Variants in ZNF883 observed in about 807,000 individuals in gnomAD.
The protein encoded by ZNF883 is zinc finger protein 883.
downstream of ZNF883, among the ~76,000 whole-genome samples, chr9:112,996,790 C>CAAAAAAAAAAA (rs61714600): frequency 1.9e-5 from 1 of 52,092 alleles, no homozygotes; most frequent in Non-Finnish European, 3.6e-5. Context: ...GACTCCGTCT[C>CAAAAAAAAAAA]AAAAAAAAAA....
At chr9:113,002,309 A>G (rs1016206211), upstream of ZNF883, among the ~76,000 whole-genome samples, 18 of 152,228 alleles carry the variant, frequency 1.2e-4, no homozygotes, top group Admixed American at 1.1e-3. Flanking sequence ...TAAAACAATA[A>G]TGGTGATTTA....
chr9:112,995,446 CTCTT>C (rs1828341526), downstream of ZNF883, among the ~76,000 whole-genome samples: 1 of 151,502 alleles, frequency 6.6e-6, no homozygotes, highest in Non-Finnish European at 1.5e-5. Context: ...CTTCCTTTCT[CTCTT>C]CCTTCCTTCT....
chr9:112,993,802 G>A (rs1828324204), downstream of ZNF883, among the ~76,000 whole-genome samples: 1 of 152,216 alleles, frequency 6.6e-6, no homozygotes. Context: ...GATTGATCAG[G>A]GCCTGGCCTA....
At chr9:112,991,855 G>T (rs1413045530) in intron 1 of ZNF883, among the ~76,000 whole-genome samples, 1 of 151,994 alleles carries the variant, frequency 6.6e-6, no homozygotes, top group South Asian at 2.1e-4. Context: ...TGTGTTTTTT[G>T]ATCTTTGTTG....
intron 1 of ZNF883, among the ~76,000 whole-genome samples, chr9:112,988,862 G>T (rs996890782): frequency 1.3e-5 from 2 of 150,250 alleles, no homozygotes; most frequent in Non-Finnish European, 2.9e-5. Flanking sequence ...TCGTGGTTTT[G>T]ATTTGCATTT....
chr9:113,008,935 T>G (rs1828504384), intron 2 of ZNF883, among the ~76,000 whole-genome samples: 1 of 151,946 alleles, frequency 6.6e-6, no homozygotes. Flanking sequence ...ATAGGAAGCA[T>G]GAGAGTGGAG....
exon 1 of ZNF883, chr9:112,997,952 T>C (rs375583758): frequency 1.7e-5 from 28 of 1,613,824 alleles, no homozygotes; most frequent in African/African-American, 1.5e-4. Context: ...AAAGGTTTTT[T>C]CACATTCATT....
chr9:112,988,791 ATC>A (rs1348010608), intron 1 of ZNF883, among the ~76,000 whole-genome samples: 18 of 152,088 alleles, frequency 1.2e-4, no homozygotes, highest in African/African-American at 3.1e-4. Context: ...AACTGTTCCT[ATC>A]TCTCCACAGC....
upstream of ZNF883, chr9:112,998,670 G>GATACGGCGACCA: frequency 6.5e-6 from 1 of 154,096 alleles, no homozygotes; most frequent in South Asian, 2.0e-4. Flanking sequence ...TCATTTCTTT[G>GATACGGCGACCA]TCTGGTGTAT....
intron 2 of ZNF883, among the ~76,000 whole-genome samples, chr9:113,004,740 C>G (rs573419719): frequency 6.6e-6 from 1 of 151,240 alleles, no homozygotes; most frequent in African/African-American, 2.4e-5. Flanking sequence ...CCCAAACTAT[C>G]TAAAACACCT....
At chr9:113,008,102 GATT>G (rs1425559229) in intron 2 of ZNF883, among the ~76,000 whole-genome samples, 1 of 152,158 alleles carries the variant, frequency 6.6e-6, no homozygotes, top group East Asian at 1.9e-4. Context: ...AAATTTTAAT[GATT>G]ATCATAAGAA....
chr9:113,010,984 CAAAAAAAAA>C (rs35069505), intron 2 of ZNF883, among the ~76,000 whole-genome samples, 148 bp downstream of exon 2: 2,064 of 118,022 alleles, frequency 0.017, 22 homozygotes, highest in Middle Eastern at 0.045. Context: ...GACCTTGTCT[CAAAAAAAAA>C]AAAAAAAAAA....
downstream of ZNF883, among the ~76,000 whole-genome samples, chr9:112,994,292 T>C (rs544095572): frequency 6.6e-6 from 1 of 151,976 alleles, no homozygotes; most frequent in Admixed American, 6.5e-5. Flanking sequence ...ACCACCCTGC[T>C]TTTCCTCACT....
At chr9:112,998,358 G>A, upstream of ZNF883, 1 of 1,030,282 alleles carries the variant, frequency 9.7e-7, no homozygotes, top group South Asian at 2.8e-5. Context: ...AGTAAAGTTT[G>A]AGATACAAAT....
At chr9:113,003,440 A>T (rs1828445302) in intron 2 of ZNF883, among the ~76,000 whole-genome samples, 1 of 152,016 alleles carries the variant, frequency 6.6e-6, no homozygotes, top group Non-Finnish European at 1.5e-5. Context: ...GGACTAATAC[A>T]CCTTGTTTTA....
intron 2 of ZNF883, among the ~76,000 whole-genome samples, chr9:113,004,242 G>A (rs779901318): frequency 6.6e-6 from 1 of 152,186 alleles, no homozygotes; most frequent in African/African-American, 2.4e-5. Context: ...GAGGCAGGAT[G>A]ACCTTGCTGA....
chr9:113,007,569 A>G (rs925922021), intron 2 of ZNF883, among the ~76,000 whole-genome samples: 4 of 152,240 alleles, frequency 2.6e-5, no homozygotes, highest in Admixed American at 2.6e-4. Context: ...TCTTTGCCAC[A>G]TCCCTCAGGC....
At chr9:112,996,794 A>G (rs1221720530), downstream of ZNF883, among the ~76,000 whole-genome samples, 6 of 31,722 alleles carry the variant, frequency 1.9e-4, no homozygotes, top group South Asian at 1.2e-3. Flanking sequence ...CCGTCTCAAA[A>G]AAAAAAAAAA....
At chr9:112,990,747 CT>C (rs899535420) in intron 1 of ZNF883, among the ~76,000 whole-genome samples, 10 of 151,680 alleles carry the variant, frequency 6.6e-5, no homozygotes, top group African/African-American at 2.2e-4. Context: ...TGGTCCTGGG[CT>C]TTTTTTTTGT....
Sources: allele counts gnomAD v4.1 joint callset (sites outside exome capture counted in the v4.1 genomes callset), GRCh38; gene constraint gnomAD v4.1.1; transcripts MANE v1.5; gene names NCBI Gene and HGNC (gene_info 2026-07-23, HGNC 2026-07-21).